STK36: variants seen among roughly 807,000 people sequenced by gnomAD.
The protein encoded by STK36 is serine/threonine kinase 36.
Under a neutral mutation model 142.2 loss-of-function variants are expected in STK36, and 116 were observed. The observed-to-expected ratio is 0.82, with a 90% CI of 0.70 to 0.95. The LOEUF (loss-of-function observed/expected upper bound fraction) is 0.95. Ranked by LOEUF, STK36 falls within the 40% of genes least tolerant of loss-of-function variation. The pLI is 0.00. For missense variants in STK36, 1,422 were observed against 1,617.2 expected, an observed-to-expected ratio of 0.88 and a Z score of 2.07; for synonymous variants, 619 against 641.7, an observed-to-expected ratio of 0.96 and a Z score of 0.53.
In STK36 at chr2:218,676,125, C is replaced by A. The variant is rs755984042; in HGVS notation, c.531C>A (p.Tyr177Ter). The change falls in exon 6 of 27, where the codon TAC (tyrosine) becomes TAA (stop). Residue 177 changes from tyrosine (Y) to a stop codon, truncating the protein, a stop_gained. Transcript: ENST00000295709. LOFTEE classifies it high-confidence loss of function. ...CAGAGCTGGTGGAGGAGCGACCATACGACCACACAGCGGACCTCTGGTCTG... is the reference window on the plus strand; with the variant it reads ...CAGAGCTGGTGGAGGAGCGACCATAAGACCACACAGCGGACCTCTGGTCTG... Reference protein sequence around the residue: ...MSPELVEERPYDHTADLWSVG... With the variant: ...MSPELVEERP 1 of 1,614,000 alleles carries A rather than the reference C, an allele frequency of 6.2e-7. No individual in the cohort carries two copies. The highest frequency in any genetic ancestry group is 2.2e-5 in the East Asian group (1 of 44,892).
At chr2:218,701,291 C>G (rs1240498736) in intron 26 of STK36, among the ~76,000 whole-genome samples, 5 of 150,564 alleles carry the variant, frequency 3.3e-5, no homozygotes, top group Admixed American at 6.6e-5. Context: ...GCCGCCACAC[C>G]CAGCTAATTT....
chr2:218,673,660 C>G lies in STK36; in HGVS notation c.120C>G (p.Arg40=), dbSNP rs1004086499. 1 of 1,614,004 alleles carries G rather than the reference C, an allele frequency of 6.2e-7. No individual in the cohort carries two copies. Among genetic ancestry groups the G allele is most frequent in the African/African-American group, 1.3e-5 (1 of 74,930 alleles). The change falls in exon 3 of 27, where the codon CGC becomes CGG. Residue 40 remains arginine, a synonymous_variant. Transcript: ENST00000295709. The part of the protein sequence containing the change: ...VALKFIPKLG[R]SEKELRNLQR... ...TGAAGTTCATCCCAAAATTGGGGCG[C>G]TCAGAGAAGGAGCTGAGGAATTTGC...
chr2:218,696,331 C>T (rs1220725118), intron 21 of STK36, among the ~76,000 whole-genome samples, 196 bp from the exon 22 acceptor site: 1 of 152,170 alleles, frequency 6.6e-6, no homozygotes, highest in Non-Finnish European at 1.5e-5. Context: ...TAAGTCAGAA[C>T]TTTGGGAGTC....
chr2:218,683,777 T>A (rs1464825171), intron 10 of STK36, among the ~76,000 whole-genome samples: 1 of 152,010 alleles, frequency 6.6e-6, no homozygotes, highest in African/African-American at 2.4e-5. Flanking sequence ...ATGTTCCCCT[T>A]CCTGTGTCCA....
Position 218,702,171 on chromosome 2 carries a change from C to A in STK36, c.*162C>A. On this transcript the variant is annotated 3_prime_UTR_variant, in exon 27 of 27. Coordinates refer to ENST00000295709, the MANE Select transcript of STK36 (RefSeq NM_015690.5). ...TAGAAGAGATTTATATATAAAGCTT[C>A]TTCCTTCTCCCAGATGCAGGATGTT... 1.2e-6 allele frequency: 1 copy of A among 840,262 alleles called. No individual in the cohort carries two copies. The highest frequency in any genetic ancestry group is 1.7e-6 in the Non-Finnish European group (1 of 582,552). 52.1% of individuals were successfully genotyped at this position (840,262 alleles called of 1,614,324 possible). A position where few individuals can be genotyped will look rare whatever the true frequency, so the allele number is the denominator to read the frequency against.
chr2:218,684,199 C>T (rs1330885081), intron 10 of STK36, among the ~76,000 whole-genome samples: 1 of 150,432 alleles, frequency 6.6e-6, no homozygotes, highest in Non-Finnish European at 1.5e-5. Context: ...GCCACCTCCA[C>T]CTCCTGGATT....
intron 9 of STK36, among the ~76,000 whole-genome samples, chr2:218,680,316 A>C (rs1940457945): frequency 6.6e-6 from 1 of 152,218 alleles, no homozygotes; most frequent in Admixed American, 6.5e-5. Context: ...GCTGAAAGGG[A>C]AAGGATCATC....
Position 218,679,786 on chromosome 2 carries a change from A to G in STK36, c.948+57A>G. 4.3e-6 allele frequency: 7 copies of G among 1,610,770 alleles called. No homozygotes were observed. In the Admixed American group the frequency reaches 1.2e-4, roughly 27 times the overall value. On this transcript the variant is annotated intron_variant, in intron 8 of 26. Coordinates refer to ENST00000295709, the MANE Select transcript of STK36 (RefSeq NM_015690.5). The stretch of plus-strand genomic sequence containing the variant: ...ACCAGGCTAGTGACTGGGGAGTTAG[A>G]GGAGGAGGGTGACTTTCTAGGGTTG...
chr2:218,696,947 C>T lies in STK36; in HGVS notation c.2587-92C>T, dbSNP rs958316336. 6 of 1,541,232 alleles carry T rather than the reference C, an allele frequency of 3.9e-6. No homozygotes were observed. In the Admixed American group the frequency reaches 8.4e-5, roughly 21 times the overall value. On this transcript the variant is annotated intron_variant, in intron 22 of 26. Transcript: ENST00000295709. ...CGGAAGGAATTATTTCTGGGACTTC[C>T]TTTACTTGTAAGTCAGGGACAGGAA...
Position 218,702,087 on chromosome 2 carries a change from C to T in STK36, c.*78C>T. ...TCTACTACACAAGCCGCCAACTCAA[C>T]TGAGAGCTAAAGAGACTAGAAAAGA... On this transcript the variant is annotated 3_prime_UTR_variant, in exon 27 of 27. Coordinates refer to ENST00000295709, the MANE Select transcript of STK36 (RefSeq NM_015690.5). 1 of 1,557,440 alleles carries T rather than the reference C, an allele frequency of 6.4e-7. No individual in the cohort carries two copies. Among genetic ancestry groups the T allele is most frequent in the Non-Finnish European group, 8.7e-7 (1 of 1,148,338 alleles).
intron 10 of STK36, among the ~76,000 whole-genome samples, chr2:218,683,147 G>C (rs1940609067): frequency 1.3e-5 from 2 of 152,052 alleles, no homozygotes; most frequent in South Asian, 4.2e-4. Context: ...CTATCACCTG[G>C]ACAACAGGGT....
intron 15 of STK36, 33 bp downstream of exon 15, chr2:218,692,326 C>A: frequency 1.2e-6 from 2 of 1,612,330 alleles, no homozygotes; most frequent in Non-Finnish European, 1.7e-6. Context: ...GTTCTCTTGA[C>A]TTACTTGTTG....
At chr2:218,685,387 C>G (rs954953581) in intron 11 of STK36, among the ~76,000 whole-genome samples, 159 bp downstream of exon 11, 12 of 152,112 alleles carry the variant, frequency 7.9e-5, no homozygotes, top group Non-Finnish European at 1.2e-4. Flanking sequence ...TTTAGTAACA[C>G]AGAAAGAGCA....
At chr2:218,682,841 C>A (rs1037281242) in intron 10 of STK36, among the ~76,000 whole-genome samples, 56 of 152,136 alleles carry the variant, frequency 3.7e-4, no homozygotes, top group African/African-American at 8.5e-4. Context: ...GGTCTGCCCG[C>A]GTCAGCCTCA....
In STK36 at chr2:218,692,213, T is replaced by G; in HGVS notation, c.1835T>G (p.Leu612Trp). The G allele has an allele frequency of 6.2e-7, 1 of 1,614,214 alleles. No homozygotes were observed. The highest frequency in any genetic ancestry group is 1.7e-5 in the Admixed American group (1 of 60,022). ...ATCTCCAAAGCCTTTTACTCCAGCTTGCTGACGACACAGCAGGTTGTCTTG... is the reference window on the plus strand; with the variant it reads ...ATCTCCAAAGCCTTTTACTCCAGCTGGCTGACGACACAGCAGGTTGTCTTG... Reference protein sequence around the residue: ...RAISKAFYSSLLTTQQVVLDG... With the variant: ...RAISKAFYSSWLTTQQVVLDG... Residue 612 changes from leucine (L) to tryptophan (W), a missense_variant, in exon 15 of 27, where the codon TTG (leucine) becomes TGG (tryptophan). This residue lies in a region of STK36 where 962 missense variants were observed against 1,167.5 expected (regional missense o/e 0.82). Transcript: ENST00000295709.
intron 11 of STK36, among the ~76,000 whole-genome samples, chr2:218,687,529 C>T (rs1940825015): frequency 6.6e-6 from 1 of 152,184 alleles, no homozygotes; most frequent in Non-Finnish European, 1.5e-5. Flanking sequence ...ATTGAATTGG[C>T]TTGGCACTTT....
intron 9 of STK36, 68 bp from the exon 10 acceptor site, chr2:218,680,535 G>A: frequency 7.6e-7 from 1 of 1,310,758 alleles, no homozygotes. Flanking sequence ...CTACAGAGAG[G>A]GACAAGTTAA....
intron 26 of STK36, among the ~76,000 whole-genome samples, chr2:218,700,772 G>T (rs1941412321): frequency 6.6e-6 from 1 of 151,414 alleles, no homozygotes; most frequent in Non-Finnish European, 1.5e-5. Flanking sequence ...AGCACTTTGG[G>T]AGACTGAGGT....
At chr2:218,677,303 A>T (rs540640312) in intron 6 of STK36, among the ~76,000 whole-genome samples, 1 of 152,328 alleles carries the variant, frequency 6.6e-6, no homozygotes, top group African/African-American at 2.4e-5. Context: ...GCAAGGGGGA[A>T]GTCCTCCCCC....
Sources: allele counts gnomAD v4.1 joint callset (sites outside exome capture counted in the v4.1 genomes callset), GRCh38; gene constraint gnomAD v4.1.1; regional missense constraint gnomAD v4.1.1; transcripts MANE v1.5; gene names NCBI Gene and HGNC (gene_info 2026-07-23, HGNC 2026-07-21).